Variants in MICAL3 observed in about 807,000 individuals in gnomAD.
MICAL3 encodes microtubule associated monooxygenase, calponin and LIM domain containing 3.
In MICAL3, 62 loss-of-function variants were observed where a neutral mutation model predicts 207.4. The observed-to-expected ratio is 0.30, with a 90% confidence interval of 0.24 to 0.37. MICAL3 has a LOEUF of 0.37. MICAL3 is among the 10% of genes least tolerant of loss of function. MICAL3 has a pLI of 1.00. For synonymous variants in MICAL3, 1,077 were observed against 1,069.3 expected, an observed-to-expected ratio of 1.01 and a Z score of -0.14; for missense variants, 2,368 against 2,635.6, an observed-to-expected ratio of 0.90 and a Z score of 2.22.
intron 16 of MICAL3, among the ~76,000 whole-genome samples, chr22:17,878,855 C>T (rs1421475385): frequency 6.6e-6 from 1 of 152,184 alleles, no homozygotes; most frequent in Non-Finnish European, 1.5e-5. Context: ...CTTTCTCCCC[C>T]TCATTCTCAT....
intron 1 of MICAL3, among the ~76,000 whole-genome samples, chr22:17,986,558 G>C (rs1921040305): frequency 6.6e-6 from 1 of 151,970 alleles, no homozygotes; most frequent in Admixed American, 6.6e-5. Context: ...AACAGTACAG[G>C]GTCCCGATCC....
chr22:17,924,033 C>A (rs768533310), intron 1 of MICAL3, among the ~76,000 whole-genome samples: 11 of 152,134 alleles, frequency 7.2e-5, no homozygotes, highest in Non-Finnish European at 1.5e-4. Context: ...GGGAGAGAAG[C>A]CCCTTATAAA....
At chr22:18,004,045 G>C (rs554217877) in intron 1 of MICAL3, among the ~76,000 whole-genome samples, 1 of 152,256 alleles carries the variant, frequency 6.6e-6, no homozygotes, top group Admixed American at 6.5e-5. Flanking sequence ...TGGGATTACA[G>C]GCATGAGCCA....
chr22:17,826,927 A>G (rs1922256331), intron 22 of MICAL3, among the ~76,000 whole-genome samples: 1 of 152,220 alleles, frequency 6.6e-6, no homozygotes, highest in Non-Finnish European at 1.5e-5. Context: ...GTATGCTCAG[A>G]GCCTGGCAGG....
At chr22:17,862,804 C>T (rs1238398996) in intron 19 of MICAL3, 14 of 985,372 alleles carry the variant, frequency 1.4e-5, no homozygotes, top group Middle Eastern at 5.2e-4. Context: ...TCTGAGCTGC[C>T]GGAGGGTAAG....
chr22:17,937,025 C>A (rs1158912728), intron 1 of MICAL3, among the ~76,000 whole-genome samples: 3 of 152,228 alleles, frequency 2.0e-5, no homozygotes, highest in African/African-American at 7.2e-5. Flanking sequence ...CAAGTACTTC[C>A]ATGCAGATTA....
At chr22:18,012,094 G>A (rs1040695081) in intron 1 of MICAL3, among the ~76,000 whole-genome samples, 12 of 152,120 alleles carry the variant, frequency 7.9e-5, no homozygotes, top group Non-Finnish European at 1.5e-4. Flanking sequence ...AATTAGCCAG[G>A]TATGGTGGCG....
At chr22:18,022,632 T>C (rs932828347) in intron 1 of MICAL3, among the ~76,000 whole-genome samples, 4 of 152,204 alleles carry the variant, frequency 2.6e-5, no homozygotes, top group African/African-American at 4.8e-5. Context: ...TTTCACTATG[T>C]TGGCCAGGCT....
chr22:17,941,979 C>T (rs1404158614), intron 1 of MICAL3, among the ~76,000 whole-genome samples: 1 of 152,208 alleles, frequency 6.6e-6, no homozygotes, highest in South Asian at 2.1e-4. Context: ...TCTCCCTTAC[C>T]TGCACGTCAA....
chr22:17,881,442 A>T (rs1929423792), intron 16 of MICAL3: 3 of 672,764 alleles, frequency 4.5e-6, no homozygotes, highest in Non-Finnish European at 5.1e-6. Context: ...CTCAGAGGGC[A>T]GCCCAGTGGT....
At chr22:17,852,208 T>C (rs1302942347) in intron 19 of MICAL3, among the ~76,000 whole-genome samples, 2 of 152,078 alleles carry the variant, frequency 1.3e-5, no homozygotes, top group Non-Finnish European at 2.9e-5. Flanking sequence ...AGACACAAAA[T>C]CACATATACA....
rs555800332 is a variant in MICAL3 at position 17,818,990 on chromosome 22, C to A, written c.3671G>T (p.Arg1224Leu). 2.5e-6 allele frequency: 4 copies of A among 1,608,672 alleles called. No individual in the cohort carries two copies. In the African/African-American group the frequency reaches 4.0e-5, roughly 16 times the overall value. The change falls in exon 26 of 32, where the codon CGA becomes CTA. Residue 1224 changes from arginine to leucine, a missense_variant. Arg to Leu is a moderately radical substitution (Grantham distance 102, BLOSUM62 -2). Around this residue, in one of 4 missense-constraint regions of MICAL3, gnomAD observed 1,770 missense variants for 1,863.2 expected, o/e 0.95. Transcript: ENST00000441493. ...TTCTGGCAGGGTCACTGGCTGTGAT[C>A]GGATGGGAGAGTGCACAGCTTTCAG... ...SDLKAVHSPI[R>L]SQPVTLPEAR...
At chr22:17,860,080 C>T (rs1926348267) in intron 19 of MICAL3, 1 of 714,888 alleles carries the variant, frequency 1.4e-6, no homozygotes, top group South Asian at 6.3e-5. Context: ...CAAGCTCACT[C>T]CCAAGACCTG....
At chr22:17,975,592 C>T (rs929635640) in intron 1 of MICAL3, among the ~76,000 whole-genome samples, 1 of 152,042 alleles carries the variant, frequency 6.6e-6, no homozygotes, top group Non-Finnish European at 1.5e-5. Flanking sequence ...TTCATTTACC[C>T]CAATTTAGAA....
chr22:17,791,378 G>T, intron 29 of MICAL3, 77 bp from the exon 30 acceptor site: 2 of 1,245,472 alleles, frequency 1.6e-6, no homozygotes, highest in Non-Finnish European at 2.3e-6. Flanking sequence ...CGGGGCAAAT[G>T]TGCAAAGAGG....
At position 18,024,261 on chromosome 22, in the gene MICAL3, G is replaced by C. The variant is rs550124699; in HGVS notation, c.-75+20C>G. 9.2e-5 allele frequency: 14 copies of C among 152,370 alleles called. No homozygotes were observed. In the East Asian group the frequency reaches 2.1e-3, roughly 23 times the overall value. 9.4% of individuals were successfully genotyped at this position (152,370 alleles called of 1,614,324 possible). A position where few individuals can be genotyped will look rare whatever the true frequency, so the allele number is the denominator to read the frequency against. On this transcript the variant is annotated intron_variant, in intron 1 of 31. Coordinates refer to ENST00000441493, the MANE Select transcript of MICAL3 (RefSeq NM_015241.3). ...GTCATTTAGATTCGCTCGCCCACAG[G>C]GGGACTGGAGGGTACTCACCGACTA...
At chr22:17,927,051 C>T (rs962596719) in intron 1 of MICAL3, among the ~76,000 whole-genome samples, 4 of 152,132 alleles carry the variant, frequency 2.6e-5, no homozygotes, top group African/African-American at 4.8e-5. Flanking sequence ...TTTTGTCATC[C>T]GCAACAGAAA....
intron 23 of MICAL3, among the ~76,000 whole-genome samples, chr22:17,822,588 T>C (rs1481144772): frequency 6.6e-6 from 1 of 152,118 alleles, no homozygotes; most frequent in African/African-American, 2.4e-5. Flanking sequence ...CAAGCTTGGG[T>C]TCTTCTCATT....
intron 1 of MICAL3, among the ~76,000 whole-genome samples, chr22:18,021,927 G>T (rs57620626): frequency 1.3e-5 from 2 of 152,014 alleles, no homozygotes; most frequent in South Asian, 4.1e-4. Flanking sequence ...TACCTATCTC[G>T]CAGGAGATCT....
Sources: gnomAD v4.1 joint callset for allele counts (sites outside exome capture counted in the v4.1 genomes callset) on GRCh38, gnomAD v4.1.1 for gene constraint, gnomAD v4.1.1 regional missense constraint, MANE v1.5 for transcripts, NCBI Gene and HGNC (gene_info 2026-07-23, HGNC 2026-07-21) for gene names.